TAPT1: variants seen among roughly 807,000 people sequenced by gnomAD.
TAPT1 encodes the protein transmembrane anterior posterior transformation protein 1 homolog.
A neutral mutation model predicts 65.6 loss-of-function variants in TAPT1; 28 were observed. The ratio of observed to expected loss-of-function variants is 0.43; its 90% CI spans 0.32 to 0.59. The LOEUF is 0.59. Ranked by LOEUF, TAPT1 falls within the 20% of genes least tolerant of loss-of-function variation. TAPT1 has a pLI of 0.09. For synonymous variants in TAPT1, 278 were observed against 245.2 expected, an observed-to-expected ratio of 1.13 and a Z score of -1.25; for missense variants, 563 against 679.9, an observed-to-expected ratio of 0.83 and a Z score of 1.91.
intron 2 of TAPT1, among the ~76,000 whole-genome samples, chr4:16,212,209 C>A (rs1750684809): frequency 6.6e-6 from 1 of 152,098 alleles, no homozygotes; most frequent in African/African-American, 2.4e-5. Context: ...TCTGTGTTCT[C>A]CCCAGAGAAA....
intron 2 of TAPT1, among the ~76,000 whole-genome samples, chr4:16,205,539 C>T (rs574554135): frequency 6.6e-6 from 1 of 152,078 alleles, no homozygotes; most frequent in Non-Finnish European, 1.5e-5. Context: ...TGCTAAGTGC[C>T]AGATGAATGA....
At chr4:16,174,836 T>C in intron 9 of TAPT1, 107 bp from the exon 10 acceptor site, 1 of 782,770 alleles carries the variant, frequency 1.3e-6, no homozygotes, top group Non-Finnish European at 1.9e-6. Flanking sequence ...CAGGAACAAG[T>C]GCTAATAACC....
chr4:16,185,120 T>C (rs547950904), intron 7 of TAPT1, among the ~76,000 whole-genome samples: 8 of 152,188 alleles, frequency 5.3e-5, no homozygotes, highest in African/African-American at 1.9e-4. Flanking sequence ...TATGAACCAC[T>C]ATGAATTAAT....
chr4:16,191,503 G>T lies in TAPT1; in HGVS notation c.470C>A (p.Pro157His). 1.3e-6 allele frequency: 2 copies of T among 1,560,358 alleles called. No individual in the cohort carries two copies. Among genetic ancestry groups the T allele is most frequent in the Non-Finnish European group, 1.7e-6 (2 of 1,151,614 alleles). Reference protein sequence around the residue: ...YGLRDRRLLQPAQVCDILKGV... With the variant: ...YGLRDRRLLQHAQVCDILKGV... ...CTTCAAAATGTCACACACCTGGGCAGGCTGAAGCAAACGTCTGTCCCTGAA... is the reference window on the plus strand; with the variant it reads ...CTTCAAAATGTCACACACCTGGGCATGCTGAAGCAAACGTCTGTCCCTGAA... The change falls in exon 4 of 14, where the codon CCT (proline) becomes CAT (histidine). Residue 157 changes from proline (P) to histidine (H), a missense_variant. This residue lies in a region of TAPT1 where 217 missense variants were observed against 317.5 expected (regional missense o/e 0.68). Coordinates refer to ENST00000405303, the MANE Select transcript of TAPT1 (RefSeq NM_153365.3).
At chr4:16,168,861 AGCAGTAACG>A (rs1215280903) in intron 12 of TAPT1, among the ~76,000 whole-genome samples, 33 of 152,188 alleles carry the variant, frequency 2.2e-4, no homozygotes, top group Non-Finnish European at 1.3e-4. Context: ...CTGGGCAGAG[AGCAGTAACG>A]GCAGAGGCTG....
chr4:16,205,293 C>T (rs1750274444), intron 2 of TAPT1, among the ~76,000 whole-genome samples: 1 of 152,196 alleles, frequency 6.6e-6, no homozygotes, highest in Non-Finnish European at 1.5e-5. Flanking sequence ...TCTGGAAATT[C>T]TGAATACCAT....
At chr4:16,172,970 C>G (rs1324040951) in intron 11 of TAPT1, among the ~76,000 whole-genome samples, 1 of 151,892 alleles carries the variant, frequency 6.6e-6, no homozygotes, top group Non-Finnish European at 1.5e-5. Flanking sequence ...ATTACAGGCG[C>G]CTGCCACCAC....
intron 3 of TAPT1, among the ~76,000 whole-genome samples, chr4:16,197,388 C>T (rs1428618762): frequency 6.6e-6 from 1 of 152,138 alleles, no homozygotes; most frequent in Non-Finnish European, 1.5e-5. Flanking sequence ...AAAGTTTTTT[C>T]AACAATAACT....
intron 11 of TAPT1, 35 bp downstream of exon 11, chr4:16,174,169 T>C: frequency 6.8e-7 from 1 of 1,469,420 alleles, no homozygotes; most frequent in Non-Finnish European, 9.3e-7. Context: ...TGATGGCTAC[T>C]TTGTTACAAA....
At chr4:16,199,636 G>A (rs1394002795) in intron 3 of TAPT1, among the ~76,000 whole-genome samples, 2 of 152,014 alleles carry the variant, frequency 1.3e-5, no homozygotes, top group Non-Finnish European at 2.9e-5. Context: ...CTGTCAACCA[G>A]GATGGAATGC....
intron 7 of TAPT1, 148 bp from the exon 8 acceptor site, chr4:16,179,805 T>TGTATATATATATATATATATATGA (rs1748601038): frequency 7.9e-6 from 2 of 253,128 alleles, no homozygotes; most frequent in African/African-American, 6.9e-5. Flanking sequence ...TATATATATG[T>TGTATATATATATATATATATATGA]GTGTGTGTGT....
At chr4:16,218,898 G>T (rs1233435126) in intron 1 of TAPT1, among the ~76,000 whole-genome samples, 4 of 152,074 alleles carry the variant, frequency 2.6e-5, no homozygotes, top group Non-Finnish European at 5.9e-5. Context: ...GTAATTTTCT[G>T]TAAACATGTT....
At chr4:16,194,319 CT>C (rs1749559529) in intron 3 of TAPT1, among the ~76,000 whole-genome samples, 1 of 152,120 alleles carries the variant, frequency 6.6e-6, no homozygotes, top group African/African-American at 2.4e-5. Flanking sequence ...CACAATAATC[CT>C]ATTTATTTAA....
At position 16,170,748 on chromosome 4, in the gene TAPT1, AAAC is replaced by A; in HGVS notation, c.1237-22_1237-20del. ...TGATGAGCTAGCCAGAAACAAACCAAAACAACAAAAACACACAAACAGAACACA... is the reference window on the plus strand; with the variant it reads ...TGATGAGCTAGCCAGAAACAAACCAAAACAAAAACACACAAACAGAACACA... On this transcript the variant is annotated intron_variant, in intron 11 of 13. Transcript: ENST00000405303. 6.3e-7 allele frequency: 1 copy of A among 1,585,504 alleles called. No individual in the cohort carries two copies.
At chr4:16,182,063 A>T (rs902238237) in intron 7 of TAPT1, among the ~76,000 whole-genome samples, 4 of 152,226 alleles carry the variant, frequency 2.6e-5, no homozygotes, top group African/African-American at 9.6e-5. Context: ...ATATCTAACT[A>T]TAAAAATGAG....
At chr4:16,186,290 C>A (rs1353509343) in intron 7 of TAPT1, among the ~76,000 whole-genome samples, 1 of 152,144 alleles carries the variant, frequency 6.6e-6, no homozygotes, top group African/African-American at 2.4e-5. Context: ...AGAGAAATTT[C>A]TAGACTATTA....
Position 16,191,509 on chromosome 4 carries a change from A to G in TAPT1, c.464T>C (p.Leu155Pro), listed in dbSNP as rs1204849540. The change falls in exon 4 of 14, where the codon CTT (leucine) becomes CCT (proline). Residue 155 changes from leucine (L) to proline (P), a missense_variant. By Grantham distance (98) the Leu-to-Pro change is moderately conservative. Around this residue, in one of 5 missense-constraint regions of TAPT1, gnomAD observed 217 missense variants for 317.5 expected, o/e 0.68. Coordinates refer to ENST00000405303, the MANE Select transcript of TAPT1 (RefSeq NM_153365.3). ...AATGTCACACACCTGGGCAGGCTGA[A>G]GCAAACGTCTGTCCCTGAAACATAC... Reference protein sequence around the residue: ...PCYGLRDRRLLQPAQVCDILK... With the variant: ...PCYGLRDRRLPQPAQVCDILK... 1.9e-6 allele frequency: 3 copies of G among 1,558,688 alleles called. No individual in the cohort carries two copies. Among genetic ancestry groups the G allele is most frequent in the African/African-American group, 1.4e-5 (1 of 73,526 alleles).
chr4:16,169,626 A>G (rs1747862401), intron 12 of TAPT1, among the ~76,000 whole-genome samples: 1 of 152,148 alleles, frequency 6.6e-6, no homozygotes, highest in African/African-American at 2.4e-5. Flanking sequence ...AATTAGCCAC[A>G]TGACCTACAC....
At chr4:16,171,394 C>T (rs1303584636) in intron 11 of TAPT1, among the ~76,000 whole-genome samples, 2 of 152,122 alleles carry the variant, frequency 1.3e-5, no homozygotes, top group Non-Finnish European at 2.9e-5. Context: ...CCTTGGAAGT[C>T]TGCTGAATAA....
Sources: gnomAD v4.1 joint callset for allele counts (sites outside exome capture counted in the v4.1 genomes callset) on GRCh38, gnomAD v4.1.1 for gene constraint, gnomAD v4.1.1 regional missense constraint, MANE v1.5 for transcripts, NCBI Gene and HGNC (gene_info 2026-07-23, HGNC 2026-07-21) for gene names.